The following C5orf22 variants were observed in gnomAD, a reference collection of about 807,000 sequenced individuals.
C5orf22 encodes UPF0489 protein C5orf22.
In C5orf22, 36 loss-of-function variants were observed where a neutral mutation model predicts 48.7. The observed-to-expected ratio is 0.74, with a 90% CI of 0.57 to 0.98. The LOEUF (loss-of-function observed/expected upper bound fraction) is 0.98, where lower values mean the gene tolerates loss of function less well. Ranked by LOEUF, C5orf22 falls within the 50% of genes least tolerant of loss-of-function variation. The pLI, the probability that C5orf22 is intolerant of heterozygous loss-of-function variation, is 0.00. For synonymous variants in C5orf22, 141 were observed against 180.8 expected, an observed-to-expected ratio of 0.78 and a Z score of 1.76; for missense variants, 486 against 521.9, an observed-to-expected ratio of 0.93 and a Z score of 0.67.
rs1223209463 is a variant in C5orf22 at position 31,551,364 on chromosome 5, G to A, written c.1131G>A (p.Glu377=). The A allele has an allele frequency of 6.2e-7, 1 of 1,613,434 alleles. No homozygotes were observed. The highest frequency in any genetic ancestry group is 8.5e-7 in the Non-Finnish European group (1 of 1,179,738). ...PHHISTEQEI[E]CLIQSVHYLL... ...ATATCAGCACAGAACAAGAAATAGAGTGTCTTATTCAATCTGTGCATTATT... is the reference window on the plus strand; with the variant it reads ...ATATCAGCACAGAACAAGAAATAGAATGTCTTATTCAATCTGTGCATTATT... The change falls in exon 8 of 9, where the codon GAG becomes GAA. Residue 377 remains glutamate, a synonymous_variant. Coordinates refer to ENST00000325366, the MANE Select transcript of C5orf22 (RefSeq NM_018356.3).
At chr5:31,547,741 A>G (rs948822759) in intron 7 of C5orf22, among the ~76,000 whole-genome samples, 2 of 152,132 alleles carry the variant, frequency 1.3e-5, no homozygotes, top group Non-Finnish European at 2.9e-5. Context: ...TAGGCTGTAC[A>G]CAGCACTGGG....
intron 8 of C5orf22, 146 bp downstream of exon 8, chr5:31,551,578 T>C (rs918089430): frequency 3.0e-6 from 2 of 657,352 alleles, no homozygotes; most frequent in East Asian, 5.6e-5. Flanking sequence ...CCTGGATTTA[T>C]CAGGTGGGCC....
intron 8 of C5orf22, 56 bp downstream of exon 8, chr5:31,551,488 G>C (rs1158725110): frequency 1.5e-6 from 2 of 1,354,248 alleles, no homozygotes; most frequent in Non-Finnish European, 2.1e-6. Context: ...CCTAATCTCT[G>C]GAACCTGTGA....
chr5:31,532,925 T>A (rs1250667243), intron 1 of C5orf22, among the ~76,000 whole-genome samples: 2 of 151,730 alleles, frequency 1.3e-5, no homozygotes, highest in African/African-American at 4.8e-5. Flanking sequence ...CTCTTAGGAG[T>A]ATTATTGTGT....
intron 8 of C5orf22, 123 bp from the exon 9 acceptor site, chr5:31,552,650 T>G (rs1249893493): frequency 1.3e-6 from 1 of 775,322 alleles, no homozygotes; most frequent in Non-Finnish European, 2.0e-6. Flanking sequence ...TCAATTGATA[T>G]TAATCCAAAG....
In C5orf22 at chr5:31,554,854, G is replaced by A. The variant is rs1394578333; in HGVS notation, c.*1952G>A. The A allele has an allele frequency of 1.3e-5, 2 of 152,138 alleles. No individual in the cohort carries two copies. Among genetic ancestry groups the A allele is most frequent in the Admixed American group, 6.5e-5 (1 of 15,268 alleles). The allele number at this position is 152,138 out of a possible 1,614,324, so 9.4% of individuals were successfully genotyped here. A position where few individuals can be genotyped will look rare whatever the true frequency, so the allele number is the denominator to read the frequency against. On this transcript the variant is annotated 3_prime_UTR_variant, in exon 9 of 9. Coordinates refer to ENST00000325366, the MANE Select transcript of C5orf22 (RefSeq NM_018356.3). ...TCATGTTCTGTGATCATCTCTTTGA[G>A]AATAAAATTCAGTCCCTAATAGTTG...
At chr5:31,538,897 T>G (rs1271138104) in intron 4 of C5orf22, among the ~76,000 whole-genome samples, 1 of 152,222 alleles carries the variant, frequency 6.6e-6, no homozygotes, top group Non-Finnish European at 1.5e-5. Context: ...ACAAACAGGC[T>G]ATAGGCTGTG....
At chr5:31,544,755 C>A (rs888575528) in intron 6 of C5orf22, among the ~76,000 whole-genome samples, 3 of 152,048 alleles carry the variant, frequency 2.0e-5, no homozygotes, top group African/African-American at 7.2e-5. Flanking sequence ...GGCAACATAG[C>A]AAGACCCTAT....
chr5:31,543,401 C>G (rs1742592691), intron 6 of C5orf22, among the ~76,000 whole-genome samples: 1 of 151,976 alleles, frequency 6.6e-6, no homozygotes, highest in Admixed American at 6.6e-5. Flanking sequence ...AATCCTGTCT[C>G]TACAAAAAAA....
In C5orf22 at chr5:31,545,410, C is replaced by T. The variant is rs373854944; in HGVS notation, c.993-236C>T. Among the ~76,000 whole-genome samples the T allele has an allele frequency of 7.9e-5, 12 of 152,270 alleles. No homozygotes were observed. The East Asian group carries it at 2.1e-3, about 27-fold the overall frequency. ...CTTCCCATTTTTGAAGAAGAAATCT[C>T]ATTTTCTTGAATGCTCACTTTTAGT... On this transcript the variant is annotated intron_variant, in intron 6 of 8. Coordinates refer to ENST00000325366, the MANE Select transcript of C5orf22 (RefSeq NM_018356.3).
chr5:31,537,615 T>A (rs572019190), intron 3 of C5orf22, among the ~76,000 whole-genome samples: 4 of 152,186 alleles, frequency 2.6e-5, no homozygotes, highest in Non-Finnish European at 5.9e-5. Context: ...CAAGTCACCT[T>A]TCATACTGAG....
In C5orf22 at chr5:31,535,808, T is replaced by C. The variant is rs147175944; in HGVS notation, c.292T>C (p.Trp98Arg). Residue 98 changes from tryptophan (W) to arginine (R), a missense_variant, in exon 3 of 9, where the codon TGG (tryptophan) becomes CGG (arginine). Trp to Arg is a moderately radical substitution (Grantham distance 101). Transcript: ENST00000325366. ...VYAGHFSHVI[W>R]FHPTWAQQIR... ...TGCTGGCCATTTTTCACATGTAATA[T>C]GGTTTCATCCCACATGGGCTCAGCA... 14 of 1,613,162 alleles carry C rather than the reference T, an allele frequency of 8.7e-6. No individual in the cohort carries two copies. Among genetic ancestry groups the C allele is most frequent in the Admixed American group, 3.3e-5 (2 of 59,864 alleles).
Position 31,554,605 on chromosome 5 carries a change from C to G in C5orf22, c.*1703C>G, listed in dbSNP as rs1743483882. 1 of 152,096 alleles carries G rather than the reference C, an allele frequency of 6.6e-6. No homozygotes were observed. The highest frequency in any genetic ancestry group is 2.4e-5 in the African/African-American group (1 of 41,404). The allele number at this position is 152,096 out of a possible 1,614,324, so 9.4% of individuals were successfully genotyped here. On this transcript the variant is annotated 3_prime_UTR_variant, in exon 9 of 9. Transcript: ENST00000325366. ...AAAATTTTTGGTTAGAGCTTATAGACATTACTTTTATGATTATTTTGCGTG... is the reference window on the plus strand; with the variant it reads ...AAAATTTTTGGTTAGAGCTTATAGAGATTACTTTTATGATTATTTTGCGTG...
intron 1 of C5orf22, 27 bp downstream of exon 1, chr5:31,532,500 G>T: frequency 6.3e-7 from 1 of 1,596,316 alleles, no homozygotes; most frequent in Non-Finnish European, 8.6e-7. Flanking sequence ...AGGGCTCTGG[G>T]GCAGAATCAG....
chr5:31,534,522 GTTTT>G, intron 2 of C5orf22, 105 bp downstream of exon 2: 1 of 1,029,444 alleles, frequency 9.7e-7, no homozygotes, highest in Non-Finnish European at 1.4e-6. Context: ...GGGTTTGGGG[GTTTT>G]TTGTTTGTCT....
intron 7 of C5orf22, among the ~76,000 whole-genome samples, chr5:31,549,997 G>T (rs548628509): frequency 6.6e-6 from 1 of 152,058 alleles, no homozygotes; most frequent in Admixed American, 6.6e-5. Flanking sequence ...ATGTTTTTTG[G>T]GGGGCAGGGA....
chr5:31,536,153 C>CT (rs1561319403), intron 3 of C5orf22, among the ~76,000 whole-genome samples: 1 of 152,198 alleles, frequency 6.6e-6, no homozygotes, highest in African/African-American at 2.4e-5. Context: ...TGGTGATTAA[C>CT]TCCTTAAGCC....
chr5:31,533,995 G>T (rs1741912333), intron 1 of C5orf22, among the ~76,000 whole-genome samples: 1 of 152,158 alleles, frequency 6.6e-6, no homozygotes, highest in South Asian at 2.1e-4. Flanking sequence ...TTGTTCCTGA[G>T]CCCCAGTCCT....
rs954947790 is a variant in C5orf22 at position 31,534,371 on chromosome 5, G to A, written c.181G>A (p.Val61Met). The A allele has an allele frequency of 5.0e-6, 8 of 1,613,614 alleles. No homozygotes were observed. The highest frequency in any genetic ancestry group is 1.7e-4 in the Middle Eastern group (1 of 6,060). Reference sequence around the variant, plus strand: ...CTCACATCCAGACCTCCTTATTCCTGTGAATATGCCAGCAGACACCGTGTT... The same window carrying A: ...CTCACATCCAGACCTCCTTATTCCTATGAATATGCCAGCAGACACCGTGTT... ...FDSHPDLLIP[V>M]NMPADTVFDK... The change falls in exon 2 of 9, where the codon GTG becomes ATG. Residue 61 changes from valine (V) to methionine (M), a missense_variant. Around this residue, in one of 3 missense-constraint regions of C5orf22, gnomAD observed 408 missense variants for 444.0 expected, o/e 0.92. Coordinates refer to ENST00000325366, the MANE Select transcript of C5orf22 (RefSeq NM_018356.3).
Sources: allele counts gnomAD v4.1 joint callset (sites outside exome capture counted in the v4.1 genomes callset), GRCh38; gene constraint gnomAD v4.1.1; regional missense constraint gnomAD v4.1.1; transcripts MANE v1.5; gene names NCBI Gene and HGNC (gene_info 2026-07-23, HGNC 2026-07-21).